MYO19: variants seen among roughly 807,000 people sequenced by gnomAD.
MYO19 encodes unconventional myosin-XIX.
In MYO19, 132 loss-of-function variants were observed where a neutral mutation model predicts 129.2. The ratio of observed to expected loss-of-function variants is 1.02; its 90% CI spans 0.89 to 1.18. MYO19 has a LOEUF of 1.18. MYO19 is among the 50% of genes most tolerant of loss of function. MYO19 has a pLI of 0.00. For synonymous variants in MYO19, 531 were observed against 477.2 expected (o/e 1.11, Z -1.47); for missense variants, 1,210 against 1,216.7 (o/e 0.99, Z 0.08).
In MYO19 at chr17:36,503,175, G is replaced by T. The variant is rs542718454; in HGVS notation, c.2002C>A (p.Arg668=). The T allele has an allele frequency of 6.2e-7, 1 of 1,614,008 alleles. No homozygotes were observed. The highest frequency in any genetic ancestry group is 1.7e-5 in the Admixed American group (1 of 60,026). ...IRVSHRNFVE[R]YKLLRRLHPC... ...TGAAGCCTTCTTAGTAACTTGTATC[G>T]TTCTACAAAGTTTCGGTGAGAGACC... The change falls in exon 21 of 26, where the codon CGA becomes AGA. Residue 668 remains arginine (R), a synonymous_variant. Transcript: ENST00000614623.
upstream of MYO19, chr17:36,538,013 A>C (rs1599478554): frequency 1.9e-6 from 3 of 1,614,098 alleles, no homozygotes; most frequent in Non-Finnish European, 2.5e-6. Context: ...CCAACCGCGA[A>C]GGAATAATCT....
chr17:36,537,446 A>T, upstream of MYO19: 1 of 1,614,168 alleles, frequency 6.2e-7, no homozygotes, highest in Non-Finnish European at 8.5e-7. Context: ...TCCTTGAAAA[A>T]TTCTTGAACA....
intron 8 of MYO19, among the ~76,000 whole-genome samples, chr17:36,514,801 A>C (rs2072626537): frequency 6.6e-6 from 1 of 152,192 alleles, no homozygotes; most frequent in Admixed American, 6.5e-5. Flanking sequence ...ACAGGAGTCG[A>C]AGTCTCAGCC....
chr17:36,532,494 G>T (rs1310614839), intron 3 of MYO19, 33 bp downstream of exon 3: 1 of 1,553,320 alleles, frequency 6.4e-7, no homozygotes, highest in Non-Finnish European at 8.7e-7. Flanking sequence ...GCAGGTGCTT[G>T]AGGGCCTGGG....
At chr17:36,504,523 G>A in intron 19 of MYO19, 1 of 157,260 alleles carries the variant, frequency 6.4e-6, no homozygotes, top group Non-Finnish European at 1.4e-5. Context: ...ACCTTCAGCA[G>A]TGCCCAGCAT....
intron 3 of MYO19, among the ~76,000 whole-genome samples, chr17:36,528,665 G>T (rs745361762): frequency 6.6e-5 from 10 of 152,188 alleles, no homozygotes; most frequent in Non-Finnish European, 8.8e-5. Context: ...TAGTAGCCCT[G>T]TGAGCCTGGG....
At chr17:36,503,764 A>G (rs947171704) in intron 20 of MYO19, among the ~76,000 whole-genome samples, 186 bp downstream of exon 20, 2 of 152,242 alleles carry the variant, frequency 1.3e-5, no homozygotes, top group African/African-American at 4.8e-5. Context: ...GGTACAAAAT[A>G]GTGCACAATA....
chr17:36,515,814 G>A (rs2072706984), intron 7 of MYO19, 44 bp downstream of exon 7: 10 of 1,574,474 alleles, frequency 6.4e-6, no homozygotes, highest in South Asian at 1.1e-5. Flanking sequence ...GAAAATCCCA[G>A]AGGAAATGGG....
intron 25 of MYO19, 47 bp downstream of exon 25, chr17:36,498,219 T>C (rs1019765902): frequency 1.3e-6 from 2 of 1,576,426 alleles, no homozygotes; most frequent in Admixed American, 3.4e-5. Flanking sequence ...GCTTTGCTCC[T>C]GCTGTTCTCA....
upstream of MYO19, among the ~76,000 whole-genome samples, chr17:36,536,574 G>A (rs907343861): frequency 1.5e-5 from 2 of 137,564 alleles, no homozygotes; most frequent in African/African-American, 5.5e-5. Context: ...GGCCCAGGCT[G>A]GAGTGCAATG....
At chr17:36,502,186 C>A (rs1325191846) in intron 21 of MYO19, among the ~76,000 whole-genome samples, 1 of 152,124 alleles carries the variant, frequency 6.6e-6, no homozygotes, top group African/African-American at 2.4e-5. Flanking sequence ...GCCTGTTCTC[C>A]CTCTGCCTGT....
intron 16 of MYO19, 69 bp downstream of exon 16, chr17:36,507,330 A>G (rs942220726): frequency 2.0e-6 from 3 of 1,483,826 alleles, no homozygotes; most frequent in Non-Finnish European, 1.9e-6. Flanking sequence ...AGGAAACAGG[A>G]TAATCATCAA....
In MYO19 at chr17:36,528,153, C is replaced by A; in HGVS notation, c.62G>T (p.Arg21Ile). Residue 21 changes from arginine to isoleucine, a missense_variant, in exon 4 of 26, where the codon AGA becomes ATA. Transcript: ENST00000614623. ...GSDGQAREYL[R>I]EDLQEFLGGE... ...ACCCAGGAACTCCTGCAGGTCTTCTCTGAGGTACTCCCTGGCTTGGCCATC... is the reference window on the plus strand; with the variant it reads ...ACCCAGGAACTCCTGCAGGTCTTCTATGAGGTACTCCCTGGCTTGGCCATC... 1.2e-6 allele frequency: 2 copies of A among 1,610,436 alleles called. No individual in the cohort carries two copies. The highest frequency in any genetic ancestry group is 1.7e-6 in the Non-Finnish European group (2 of 1,178,314).
chr17:36,518,143 G>A (rs2072882569), intron 6 of MYO19, among the ~76,000 whole-genome samples: 2 of 150,158 alleles, frequency 1.3e-5, no homozygotes, highest in Non-Finnish European at 3.0e-5. Flanking sequence ...TAATTTATTA[G>A]TTCAAAATAT....
chr17:36,541,694 T>C (rs1007513565), intron 2 of MYO19, among the ~76,000 whole-genome samples: 1 of 152,252 alleles, frequency 6.6e-6, no homozygotes, highest in African/African-American at 2.4e-5. Flanking sequence ...ACAATGCCAA[T>C]ATCAAAATGA....
intron 6 of MYO19, among the ~76,000 whole-genome samples, chr17:36,521,637 AGGC>A (rs2142240314): frequency 6.6e-6 from 1 of 152,346 alleles, no homozygotes; most frequent in Non-Finnish European, 1.5e-5. Context: ...AAGTGAAGAA[AGGC>A]TATACCACAA....
At chr17:36,501,293 T>C in intron 21 of MYO19, 58 bp from the exon 22 acceptor site, 2 of 1,539,366 alleles carry the variant, frequency 1.3e-6, no homozygotes, top group East Asian at 2.3e-5. Flanking sequence ...CTCTGTGGCC[T>C]GAAGAAACTG....
At chr17:36,528,599 TAGA>T (rs1047220831) in intron 3 of MYO19, among the ~76,000 whole-genome samples, 1 of 151,916 alleles carries the variant, frequency 6.6e-6, no homozygotes, top group African/African-American at 2.4e-5. Context: ...ACCTGTATAG[TAGA>T]AGGAGACTCT....
chr17:36,501,044 C>G (rs769289286), intron 22 of MYO19, 25 bp downstream of exon 22: 1 of 1,603,414 alleles, frequency 6.2e-7, no homozygotes. Context: ...GCCTCTGTAA[C>G]CTCCTCATCC....
Sources: allele counts gnomAD v4.1 joint callset (sites outside exome capture counted in the v4.1 genomes callset), GRCh38; gene constraint gnomAD v4.1.1; transcripts MANE v1.5; gene names NCBI Gene and HGNC (gene_info 2026-07-23, HGNC 2026-07-21).